The following CAST variants were observed in gnomAD, a reference collection of about 807,000 sequenced individuals.
The protein encoded by CAST is MIR583 host.
CAST carries 76 observed loss-of-function variants against 119.6 expected under a neutral mutation model. The ratio of observed to expected loss-of-function variants is 0.64; its 90% CI spans 0.53 to 0.77. CAST has a LOEUF of 0.77. Ranked by LOEUF, CAST falls within the 30% of genes least tolerant of loss-of-function variation. The probability of loss-of-function intolerance (pLI) is 0.00; values close to 1 mark genes in which losing one functional copy is unlikely to be tolerated. For missense variants in CAST, 953 were observed against 946.5 expected, an observed-to-expected ratio of 1.01 and a Z score of -0.09; for synonymous variants, 319 against 331.6, an observed-to-expected ratio of 0.96 and a Z score of 0.41.
At chr5:96,709,433 G>T (rs42441) in intron 3 of CAST, among the ~76,000 whole-genome samples, 150,170 of 152,358 alleles carry the variant, frequency 0.99, 74,012 homozygotes, top group East Asian at 1. Flanking sequence ...TTCCCTCCCC[G>T]TTAGGTTACT....
At chr5:95,979,880 T>G in the CAST span, among the ~76,000 whole-genome samples, 7 of 152,066 alleles carry the variant, frequency 4.6e-5, no homozygotes, top group African/African-American at 1.7e-4. Flanking sequence ...CACTTTGGGA[T>G]GCTGAGATGG....
intron 29 of CAST, chr5:96,769,559 ATATC>A (rs1437168634): frequency 6.6e-6 from 1 of 152,066 alleles, no homozygotes; most frequent in Non-Finnish European, 1.5e-5. Flanking sequence ...GCAGATTTAC[ATATC>A]TATCATTCTC....
intron 19 of CAST, among the ~76,000 whole-genome samples, chr5:96,749,491 T>C (rs1367157241): frequency 6.6e-6 from 1 of 152,152 alleles, no homozygotes; most frequent in Non-Finnish European, 1.5e-5. Context: ...TCCATAAAAG[T>C]CTAGATTTAA....
the CAST span, among the ~76,000 whole-genome samples, chr5:96,040,549 C>A: frequency 6.6e-6 from 1 of 152,050 alleles, no homozygotes; most frequent in Non-Finnish European, 1.5e-5. Flanking sequence ...TACCTTCCAT[C>A]GATACCTAGT....
At chr5:96,657,521 A>T (rs1384138972), upstream of CAST, among the ~76,000 whole-genome samples, 1 of 152,206 alleles carries the variant, frequency 6.6e-6, no homozygotes, top group African/African-American at 2.4e-5. Context: ...CTTCAATATG[A>T]CAAGAATATG....
At chr5:96,561,824 G>A (rs1321455374) in intron 1 of CAST, among the ~76,000 whole-genome samples, 19 of 77,770 alleles carry the variant, frequency 2.4e-4, no homozygotes, top group African/African-American at 1.1e-3. Context: ...ACGGAGTCTC[G>A]CTCTGTCGCC....
At chr5:96,399,348 C>T in the CAST span, among the ~76,000 whole-genome samples, 1 of 152,052 alleles carries the variant, frequency 6.6e-6, no homozygotes, top group Admixed American at 6.6e-5. Context: ...AAGGCATGCC[C>T]CAAGCCTCCC....
chr5:96,478,005 G>C, the CAST span, among the ~76,000 whole-genome samples: 1 of 152,106 alleles, frequency 6.6e-6, no homozygotes, highest in Non-Finnish European at 1.5e-5. Context: ...GATTCACATG[G>C]CTAATTTAAG....
the CAST span, among the ~76,000 whole-genome samples, chr5:96,122,388 A>G: frequency 3.3e-5 from 5 of 152,028 alleles, no homozygotes; most frequent in East Asian, 1.9e-4. Context: ...TTTTTCCTTT[A>G]TAACTCAACT....
chr5:96,420,392 C>T, the CAST span, among the ~76,000 whole-genome samples: 1 of 152,326 alleles, frequency 6.6e-6, no homozygotes, highest in East Asian at 1.9e-4. Flanking sequence ...CTGCTGTAAG[C>T]TCTCGAAACA....
intron 3 of CAST, among the ~76,000 whole-genome samples, chr5:96,707,771 T>G (rs577463858): frequency 1.3e-5 from 2 of 152,078 alleles, no homozygotes; most frequent in Non-Finnish European, 2.9e-5. Flanking sequence ...ATGCAAGTAT[T>G]CTCCCTGAGC....
chr5:96,336,001 T>G, the CAST span, among the ~76,000 whole-genome samples: 1 of 152,198 alleles, frequency 6.6e-6, no homozygotes, highest in Non-Finnish European at 1.5e-5. Context: ...TCAATTGGCT[T>G]CCTGGTTTCT....
chr5:96,315,427 C>A, the CAST span, among the ~76,000 whole-genome samples: 1 of 152,126 alleles, frequency 6.6e-6, no homozygotes, highest in Admixed American at 6.6e-5. Flanking sequence ...GTATAGTGAA[C>A]AATGTGAGGC....
chr5:96,238,962 A>G, the CAST span, among the ~76,000 whole-genome samples: 1 of 152,168 alleles, frequency 6.6e-6, no homozygotes, highest in Non-Finnish European at 1.5e-5. Flanking sequence ...GTCATTGGGT[A>G]TAGGTATATT....
At chr5:96,410,688 G>C in the CAST span, 9 of 1,076,538 alleles carry the variant, frequency 8.4e-6, no homozygotes, top group Admixed American at 8.5e-5. Flanking sequence ...CGAATCAGTC[G>C]TACCAAAGGT....
chr5:96,085,971 T>C, the CAST span, among the ~76,000 whole-genome samples: 95,780 of 151,992 alleles, frequency 0.63, 30,216 homozygotes, highest in Middle Eastern at 0.68. Flanking sequence ...CCTCTGTATC[T>C]GCAAGGGATT....
At chr5:96,428,442 A>G in the CAST span, among the ~76,000 whole-genome samples, 1 of 152,220 alleles carries the variant, frequency 6.6e-6, no homozygotes. Context: ...GAAAATTACA[A>G]TACTCCCAAC....
At chr5:96,618,641 A>C (rs1747523628) in intron 1 of CAST, among the ~76,000 whole-genome samples, 1 of 151,952 alleles carries the variant, frequency 6.6e-6, no homozygotes, top group African/African-American at 2.4e-5. Context: ...GGGGCTTAGC[A>C]CCTGGGCCAG....
At chr5:95,981,195 C>A in the CAST span, among the ~76,000 whole-genome samples, 1 of 152,116 alleles carries the variant, frequency 6.6e-6, no homozygotes, top group Non-Finnish European at 1.5e-5. Context: ...CATTGGATTT[C>A]ACTTATAAAA....
Sources: gnomAD v4.1 joint callset for allele counts (sites outside exome capture counted in the v4.1 genomes callset) on GRCh38, gnomAD v4.1.1 for gene constraint, MANE v1.5 for transcripts, NCBI Gene and HGNC (gene_info 2026-07-23, HGNC 2026-07-21) for gene names.